IL17RD: variants seen among roughly 807,000 people sequenced by gnomAD.
The protein encoded by IL17RD is interleukin 17 receptor D, also known as interleukin-17 receptor D.
IL17RD carries 52 observed loss-of-function variants against 80.5 expected under a neutral mutation model. The observed-to-expected ratio is 0.65, with a 90% CI of 0.52 to 0.81. The LOEUF is 0.81. Among genes scored for constraint, IL17RD ranks in the 40% least tolerant of loss-of-function variants. IL17RD has a pLI of 0.00. For synonymous variants in IL17RD, 416 were observed against 391.8 expected (o/e 1.06, Z -0.73); for missense variants, 1,024 against 955.1 (o/e 1.07, Z -0.95).
In IL17RD at chr3:57,152,942, G is replaced by A. The variant is rs753390930; in HGVS notation, c.126+12219C>T. On this transcript the variant is annotated intron_variant, in intron 1 of 12. Transcript: ENST00000296318. Reference sequence around the variant, plus strand: ...AAGCAGTCAACCGTAAACCTGCCCCGGCCAAACACAGGTCTTTAATAGGAA... The same window carrying A: ...AAGCAGTCAACCGTAAACCTGCCCCAGCCAAACACAGGTCTTTAATAGGAA... Among the ~76,000 whole-genome samples, 14 of 152,214 alleles carry A rather than the reference G, an allele frequency of 9.2e-5. No individual in the cohort carries two copies. The East Asian group carries it at 1.2e-3, about 13-fold the overall frequency.
chr3:57,165,360 T>G (rs2107551657), upstream of IL17RD: 13 of 1,159,112 alleles, frequency 1.1e-5, no homozygotes, highest in East Asian at 4.1e-5. Flanking sequence ...GAGTGGGCGG[T>G]GGCCGCGGCG....
upstream of IL17RD, among the ~76,000 whole-genome samples, chr3:57,166,950 T>A (rs1276301385): frequency 6.6e-6 from 1 of 152,196 alleles, no homozygotes; most frequent in Admixed American, 6.5e-5. Flanking sequence ...TGCCCACACG[T>A]CCTTGGAGGG....
Position 57,165,350 on chromosome 3 carries a change from G to GAGTGGGC in IL17RD, c.-65_-64insGCCCACT, listed in dbSNP as rs1318214662. The GAGTGGGC allele has an allele frequency of 4.1e-6, 5 of 1,206,680 alleles. No individual in the cohort carries two copies. The highest frequency in any genetic ancestry group is 3.0e-4 in the Middle Eastern group (1 of 3,296). 74.7% of individuals were successfully genotyped at this position (1,206,680 alleles called of 1,614,324 possible). A position where few individuals can be genotyped will look rare whatever the true frequency, so the allele number is the denominator to read the frequency against. ...CGGCCGCCCGCCGCTGGCCAGCCCCGAGTGGGCGGTGGCCGCGGCGGCCGC... is the reference window on the plus strand; with the variant it reads ...CGGCCGCCCGCCGCTGGCCAGCCCCGAGTGGGCAGTGGGCGGTGGCCGCGGCGGCCGC... On this transcript the variant is annotated 5_prime_UTR_variant, in exon 1 of 13. Transcript: ENST00000296318.
chr3:57,142,838 T>A (rs1393076123), intron 1 of IL17RD, among the ~76,000 whole-genome samples: 1 of 152,140 alleles, frequency 6.6e-6, no homozygotes, highest in Non-Finnish European at 1.5e-5. Flanking sequence ...CAACATCGCA[T>A]CCCAGTTTTA....
At chr3:57,151,565 G>A (rs1483047195) in intron 1 of IL17RD, among the ~76,000 whole-genome samples, 2 of 152,164 alleles carry the variant, frequency 1.3e-5, no homozygotes, top group Non-Finnish European at 2.9e-5. Context: ...AAAGTGTTAT[G>A]AGGCTAAGAG....
rs1281071889 is a variant in IL17RD, at chr3:57,109,540, G to A, written c.547C>T (p.Arg183Ter). 12 of 1,613,180 alleles carry A rather than the reference G, an allele frequency of 7.4e-6. No homozygotes were observed. Among genetic ancestry groups the A allele is most frequent in the South Asian group, 4.4e-5 (4 of 90,934 alleles). Reference protein sequence around the residue: ...SNYHPFFFRTRACDLLLQPDN... With the variant: ...SNYHPFFFRT ...AGGCAGGAAAGGCCATACTCACCTCGGGTTCTAAAGAAGAAAGGGTGGTAA... is the reference window on the plus strand; with the variant it reads ...AGGCAGGAAAGGCCATACTCACCTCAGGTTCTAAAGAAGAAAGGGTGGTAA... The change falls in exon 5 of 13, where the codon CGA (arginine) becomes TGA (stop). Residue 183 changes from arginine to a stop codon, truncating the protein, a stop_gained. Transcript: ENST00000296318. LOFTEE classifies it high-confidence loss of function.
At chr3:57,168,873 T>C (rs1309808659), upstream of IL17RD, among the ~76,000 whole-genome samples, 1 of 152,196 alleles carries the variant, frequency 6.6e-6, no homozygotes, top group Non-Finnish European at 1.5e-5. Flanking sequence ...CCTGCCACCA[T>C]GCCTGGCTAA....
intron 8 of IL17RD, 143 bp downstream of exon 8, chr3:57,104,199 T>C (rs1226128685): frequency 1.6e-6 from 1 of 610,426 alleles, no homozygotes; most frequent in Non-Finnish European, 2.9e-6. Context: ...TAAACTTTTT[T>C]TAAAAGCATG....
chr3:57,114,748 T>C lies in IL17RD; in HGVS notation c.254A>G (p.Gln85Arg). 17 of 1,612,672 alleles carry C rather than the reference T, an allele frequency of 1.1e-5. No homozygotes were observed. Among genetic ancestry groups the C allele is most frequent in the Non-Finnish European group, 1.4e-5 (17 of 1,179,504 alleles). The change falls in exon 3 of 13, where the codon CAG becomes CGG. Residue 85 changes from glutamine to arginine, a missense_variant. Transcript: ENST00000296318. ...TGCCACTTGGTCATGGCAAGCATAC[T>C]GGCTGATGGTGATATTCTGGGCGTC... ...IADAQNITIS[Q>R]YACHDQVAVT...
At position 57,105,536 on chromosome 3, in the gene IL17RD, C is replaced by CA. The variant is rs745910085; in HGVS notation, c.747+320dup. On this transcript the variant is annotated intron_variant, in intron 7 of 12. Coordinates refer to ENST00000296318, the MANE Select transcript of IL17RD (RefSeq NM_017563.5). ...TGGGCAACAGAGCAAGACTCCATCT[C>CA]AAAAAAAAAAAAAAAAATATATATA... is the stretch of plus-strand genomic sequence containing the variant. 7.4e-3 allele frequency among the ~76,000 whole-genome samples: 265 copies of CA among 35,610 alleles called. 17 individuals carry two copies. Among genetic ancestry groups the CA allele is most frequent in the East Asian group, 0.038 (113 of 2,956 alleles). The allele number at this position is 35,610 out of a possible 152,430, so 23.4% of individuals were successfully genotyped here. A position where few individuals can be genotyped will look rare whatever the true frequency, so the allele number is the denominator to read the frequency against.
intron 1 of IL17RD, among the ~76,000 whole-genome samples, chr3:57,123,874 T>A (rs1579286558): frequency 6.6e-6 from 1 of 152,048 alleles, no homozygotes; most frequent in Non-Finnish European, 1.5e-5. Flanking sequence ...TGAAACCCCA[T>A]CTCTACTAAA....
At chr3:57,142,560 G>A in intron 1 of IL17RD, 1 of 1,250,752 alleles carries the variant, frequency 8.0e-7, no homozygotes, top group Non-Finnish European at 1.0e-6. Context: ...CTCCTGGCAG[G>A]GAGATAGGGC....
Position 57,134,236 on chromosome 3 carries a change from A to G in IL17RD, c.127-13923T>C. The stretch of plus-strand genomic sequence containing the variant: ...CCCAATAAGACCAATGAAATCGCCA[A>G]TGCCAACTTCCATCAGCAGATCCAG... On this transcript the variant is annotated intron_variant, in intron 1 of 12. Coordinates refer to ENST00000296318, the MANE Select transcript of IL17RD (RefSeq NM_017563.5). The G allele has an allele frequency of 5.8e-6, 4 of 694,014 alleles. No homozygotes were observed. The Admixed American group carries it at 7.1e-5, about 12-fold the overall frequency. The allele number at this position is 694,014 out of a possible 1,614,324, so 43.0% of individuals were successfully genotyped here. A position where few individuals can be genotyped will look rare whatever the true frequency, so the allele number is the denominator to read the frequency against.
chr3:57,139,933 G>A (rs183216904), intron 1 of IL17RD, among the ~76,000 whole-genome samples: 1 of 151,922 alleles, frequency 6.6e-6, no homozygotes, highest in Non-Finnish European at 1.5e-5. Context: ...TCAACTCCTG[G>A]TTTTACAGGA....
chr3:57,120,126 G>A (rs917237439), intron 2 of IL17RD, 130 bp downstream of exon 2: 5 of 713,334 alleles, frequency 7.0e-6, no homozygotes, highest in Non-Finnish European at 1.2e-5. Flanking sequence ...TGCTTTAGCT[G>A]TTGACAAACC....
intron 1 of IL17RD, among the ~76,000 whole-genome samples, chr3:57,129,948 G>A (rs1474124817): frequency 6.6e-6 from 1 of 152,156 alleles, no homozygotes; most frequent in African/African-American, 2.4e-5. Context: ...AAATCCAAGT[G>A]AGTCAACCTG....
chr3:57,106,703 A>G (rs1706972938), intron 5 of IL17RD, among the ~76,000 whole-genome samples: 1 of 152,250 alleles, frequency 6.6e-6, no homozygotes, highest in Non-Finnish European at 1.5e-5. Flanking sequence ...ACCAAAGCCA[A>G]TAGCTTTGAA....
chr3:57,170,074 A>C (rs564940881), upstream of IL17RD, among the ~76,000 whole-genome samples: 45 of 152,328 alleles, frequency 3.0e-4, no homozygotes, highest in Admixed American at 2.0e-3. Context: ...CTTCCTGTCT[A>C]GGACGCCAAA....
intron 5 of IL17RD, 36 bp downstream of exon 5, chr3:57,109,498 GTCT>G (rs1707044217): frequency 6.3e-7 from 1 of 1,590,914 alleles, no homozygotes. Context: ...GCGGAGAAAA[GTCT>G]TCTCATGGGA....
Sources: gnomAD v4.1 joint callset for allele counts (sites outside exome capture counted in the v4.1 genomes callset) on GRCh38, gnomAD v4.1.1 for gene constraint, MANE v1.5 for transcripts, NCBI Gene and HGNC (gene_info 2026-07-23, HGNC 2026-07-21) for gene names.